Variants in FOXRED2 observed in about 807,000 individuals in gnomAD.
The protein encoded by FOXRED2 is FAD-dependent oxidoreductase domain-containing protein 2.
In FOXRED2, 32 loss-of-function variants were observed where a neutral mutation model predicts 52.5. That is an observed-to-expected ratio of 0.61 (90% CI 0.46 to 0.82). The LOEUF is 0.82. Ranked by LOEUF, FOXRED2 falls within the 40% of genes least tolerant of loss-of-function variation. The pLI is 0.00. For synonymous variants in FOXRED2, 405 were observed against 398.1 expected (o/e 1.02, Z -0.21); for missense variants, 848 against 937.5 (o/e 0.90, Z 1.25).
chr22:36,492,182 G>A (rs1933774048), intron 8 of FOXRED2, among the ~76,000 whole-genome samples: 2 of 152,164 alleles, frequency 1.3e-5, no homozygotes, highest in Non-Finnish European at 2.9e-5. Context: ...GAGGACAGCG[G>A]GAAGACTGGG....
intron 6 of FOXRED2, 102 bp from the exon 7 acceptor site, chr22:36,496,310 T>C (rs1459953063): frequency 7.1e-7 from 1 of 1,408,298 alleles, no homozygotes. Flanking sequence ...TCTCCCCCTC[T>C]AAGGAGCGTC....
intron 7 of FOXRED2, among the ~76,000 whole-genome samples, chr22:36,494,642 C>T (rs1194514065): frequency 1.3e-5 from 2 of 151,438 alleles, no homozygotes; most frequent in African/African-American, 2.4e-5. Flanking sequence ...TTAGTGCCTC[C>T]TTTTTCTTTT....
At position 36,506,246 on chromosome 22, in the gene FOXRED2, G is replaced by C. The variant is rs571642113; in HGVS notation, c.177C>G (p.Phe59Leu). ...LQRAGRDYAV[F>L]ERAPRPGSFF... ...AGCTGCCGGGCCGCGGGGCCCGCTC[G>C]AACACTGCGTAGTCGCGTCCAGCGC... Residue 59 changes from phenylalanine (F) to leucine (L), a missense_variant, in exon 2 of 9, where the codon TTC becomes TTG. Physicochemically the swap from Phe to Leu is conservative, Grantham distance 22. Coordinates refer to ENST00000397224, the MANE Select transcript of FOXRED2 (RefSeq NM_001102371.2). 7 of 1,613,178 alleles carry C rather than the reference G, an allele frequency of 4.3e-6. No individual in the cohort carries two copies. The African/African-American group carries it at 8.0e-5, about 18-fold the overall frequency.
At chr22:36,496,270 C>A in intron 6 of FOXRED2, 62 bp from the exon 7 acceptor site, 1 of 1,599,266 alleles carries the variant, frequency 6.3e-7, no homozygotes, top group Non-Finnish European at 8.5e-7. Context: ...GGGTGCAGCC[C>A]GGGGGTGAGC....
In FOXRED2 at chr22:36,495,882, G is replaced by T. The variant is rs1025842077; in HGVS notation, c.1624+85C>A. The T allele has an allele frequency of 8.8e-6, 13 of 1,473,128 alleles. No homozygotes were observed. The African/African-American group carries it at 1.4e-4, about 16-fold the overall frequency. 91.3% of individuals were successfully genotyped at this position (1,473,128 alleles called of 1,614,324 possible). ...TCCCACCTGTCAGCTGAGCATGTGT[G>T]TGAAGGTTTCAGGGTGGGTGACAAC... On this transcript the variant is annotated intron_variant, in intron 7 of 8. Coordinates refer to ENST00000397224, the MANE Select transcript of FOXRED2 (RefSeq NM_001102371.2).
chr22:36,493,131 C>T (rs962386209), intron 8 of FOXRED2, among the ~76,000 whole-genome samples: 8 of 152,220 alleles, frequency 5.3e-5, no homozygotes, highest in Non-Finnish European at 1.0e-4. Flanking sequence ...GCGCCTGGCC[C>T]TGCTAATCCT....
At chr22:36,490,640 C>G (rs574240190) in intron 8 of FOXRED2, among the ~76,000 whole-genome samples, 1 of 152,258 alleles carries the variant, frequency 6.6e-6, no homozygotes, top group Admixed American at 6.5e-5. Context: ...CCTGGTGCGG[C>G]TGGGAACTCA....
In FOXRED2 at chr22:36,502,187, A is replaced by G. The variant is rs1042756250; in HGVS notation, c.1050-780T>C. Among the ~76,000 whole-genome samples, 44 of 147,420 alleles carry G rather than the reference A, an allele frequency of 3.0e-4. 1 individual carries two copies. In the Admixed American group the frequency reaches 3.0e-3, roughly 10 times the overall value. ...CTGTCTCAAACAAACAAACAAACAA[A>G]CAAACAATGAAGTCAGGCCAGGCAC... On this transcript the variant is annotated intron_variant, in intron 4 of 8. Coordinates refer to ENST00000397224, the MANE Select transcript of FOXRED2 (RefSeq NM_001102371.2).
At chr22:36,504,889 T>C (rs1399688472) in intron 2 of FOXRED2, 123 bp from the exon 3 acceptor site, 18 of 969,228 alleles carry the variant, frequency 1.9e-5, no homozygotes, top group African/African-American at 5.0e-5. Flanking sequence ...TAAAAGAAAA[T>C]AGGACATTCA....
intron 6 of FOXRED2, 74 bp downstream of exon 6, chr22:36,497,917 A>G: frequency 6.7e-7 from 1 of 1,498,656 alleles, no homozygotes; most frequent in Non-Finnish European, 9.1e-7. Context: ...CACACCTGGA[A>G]TAGGAAGAGA....
At position 36,498,085 on chromosome 22, in the gene FOXRED2, T is replaced by C; in HGVS notation, c.1288A>G (p.Thr430Ala). 6.2e-7 allele frequency: 1 copy of C among 1,613,766 alleles called. No individual in the cohort carries two copies. Residue 430 changes from threonine to alanine, a missense_variant, in exon 6 of 9, where the codon ACA becomes GCA. Thr to Ala is a moderately conservative substitution (Grantham distance 58, BLOSUM62 0). Coordinates refer to ENST00000397224, the MANE Select transcript of FOXRED2 (RefSeq NM_001102371.2). Reference protein sequence around the residue: ...VTWPATELPITQLTSSIVRRV... With the variant: ...VTWPATELPIAQLTSSIVRRV... ...CGCACGATGGAGCTGGTCAGCTGTGTGATGGGGAGCTCAGTGGCGGGCCAG... is the reference window on the plus strand; with the variant it reads ...CGCACGATGGAGCTGGTCAGCTGTGCGATGGGGAGCTCAGTGGCGGGCCAG...
chr22:36,491,348 A>G (rs1460619697), intron 8 of FOXRED2, among the ~76,000 whole-genome samples: 1 of 152,082 alleles, frequency 6.6e-6, no homozygotes, highest in Non-Finnish European at 1.5e-5. Context: ...TGCAATCTCT[A>G]ATGCTGGAGG....
chr22:36,503,371 G>A (rs1270031709), intron 4 of FOXRED2, among the ~76,000 whole-genome samples: 1 of 148,858 alleles, frequency 6.7e-6, no homozygotes, highest in Non-Finnish European at 1.5e-5. Flanking sequence ...GTGCAGTGGT[G>A]TGATCTCGGC....
At chr22:36,499,986 A>T (rs1312239567) in intron 5 of FOXRED2, among the ~76,000 whole-genome samples, 2 of 152,032 alleles carry the variant, frequency 1.3e-5, no homozygotes, top group Non-Finnish European at 2.9e-5. Flanking sequence ...TTTTAAGTAG[A>T]GGTGGGATTT....
chr22:36,505,911 T>C lies in FOXRED2; in HGVS notation c.512A>G (p.Gln171Arg). The change falls in exon 2 of 9, where the codon CAG becomes CGG. Residue 171 changes from glutamine (Q) to arginine (R), a missense_variant. By Grantham distance (43) the Gln-to-Arg change is conservative. Coordinates refer to ENST00000397224, the MANE Select transcript of FOXRED2 (RefSeq NM_001102371.2). ...CCGGCCTTACCTGCACTGATGCACC[T>C]GGCCCTTCTGGTCAGTTAGGATGAA... is the stretch of plus-strand genomic sequence containing the variant. ...HYFILTDQKG[Q>R]VHQCSVLFVA... The C allele has an allele frequency of 6.2e-7, 1 of 1,612,866 alleles. No homozygotes were observed. Among genetic ancestry groups the C allele is most frequent in the Non-Finnish European group, 8.5e-7 (1 of 1,178,846 alleles).
At chr22:36,494,295 T>C (rs2011106) in intron 7 of FOXRED2, among the ~76,000 whole-genome samples, 66,503 of 151,934 alleles carry the variant, frequency 0.44, 17,747 homozygotes, top group Admixed American at 0.6. Context: ...ATTTTACATT[T>C]TTCGTAGAGA....
chr22:36,504,538 G>A lies in FOXRED2; in HGVS notation c.756C>T (p.Ala252=), dbSNP rs767382573. The change falls in exon 3 of 9, where the codon GCC becomes GCT. Residue 252 remains alanine (A), a synonymous_variant. Transcript: ENST00000397224. ...ACCTGAGGTCTCCAACGTAGTGGGT[G>A]GCCCAGGACAGACGGACCCGGGAGC... The part of the protein sequence containing the change: ...LSRSRVRLSW[A]THYVGDLRAI... 1 of 1,614,156 alleles carries A rather than the reference G, an allele frequency of 6.2e-7. No homozygotes were observed. The highest frequency in any genetic ancestry group is 8.5e-7 in the Non-Finnish European group (1 of 1,180,024).
intron 6 of FOXRED2, among the ~76,000 whole-genome samples, chr22:36,496,931 A>G: frequency 6.6e-6 from 1 of 152,176 alleles, no homozygotes; most frequent in Non-Finnish European, 1.5e-5. Context: ...CTGTAATCTC[A>G]GCACTTTGGG....
intron 8 of FOXRED2, among the ~76,000 whole-genome samples, 195 bp downstream of exon 8, chr22:36,493,438 C>CAAAA (rs112901270): frequency 1.5e-5 from 2 of 130,490 alleles, no homozygotes; most frequent in Non-Finnish European, 3.4e-5. Context: ...GACTCCATCT[C>CAAAA]AAAAAAAAAA....
Sources: allele counts gnomAD v4.1 joint callset (sites outside exome capture counted in the v4.1 genomes callset), GRCh38; gene constraint gnomAD v4.1.1; transcripts MANE v1.5; gene names NCBI Gene and HGNC (gene_info 2026-07-23, HGNC 2026-07-21).